The following MYH9 variants were observed in gnomAD, a reference collection of about 807,000 sequenced individuals.
The protein encoded by MYH9 is myosin-9.
Under a neutral mutation model 241.9 loss-of-function variants are expected in MYH9, and 29 were observed. That is an observed-to-expected ratio of 0.12 (90% CI 0.09 to 0.16). The LOEUF is 0.16. MYH9 is among the 10% of genes least tolerant of loss of function. The pLI, the probability that MYH9 is intolerant of heterozygous loss-of-function variation, is 1.00. For missense variants in MYH9, 1,803 were observed against 2,595.5 expected (o/e 0.69, Z 6.63); for synonymous variants, 1,047 against 1,062.6 (o/e 0.99, Z 0.29).
rs757593797 is a variant in MYH9, at chr22:36,282,740, T to C, written c.5811A>G (p.Lys1937=). ...PFVVPRRMAR[K]GAGDGSDEEV... ...CTTCGTCGGAGCCATCCCCGGCGCC[T>C]TTCCGGGCCATTCGGCGGGGCACGA... Residue 1937 remains lysine, a synonymous_variant, in exon 41 of 41, where the codon AAA becomes AAG. Coordinates refer to ENST00000216181, the MANE Select transcript of MYH9 (RefSeq NM_002473.6). 31 of 1,613,610 alleles carry C rather than the reference T, an allele frequency of 1.9e-5. No homozygotes were observed. In the African/African-American group the frequency reaches 4.0e-4, roughly 21 times the overall value.
chr22:36,300,393 G>A lies in MYH9; in HGVS notation c.2839-129C>T. The A allele has an allele frequency of 7.3e-7, 1 of 1,360,556 alleles. No individual in the cohort carries two copies. Among genetic ancestry groups the A allele is most frequent in the Non-Finnish European group, 1.0e-6 (1 of 976,222 alleles). 84.3% of individuals were successfully genotyped at this position (1,360,556 alleles called of 1,614,324 possible). ...GCAAGGTCTGTGAGCCCAGGGCCATGGCTGAGGTGGGGACGGCAAGGTCCG... is the reference window on the plus strand; with the variant it reads ...GCAAGGTCTGTGAGCCCAGGGCCATAGCTGAGGTGGGGACGGCAAGGTCCG... On this transcript the variant is annotated intron_variant, in intron 22 of 40. Transcript: ENST00000216181. This position sits in a 1 kb window ranked among gnomAD's most constrained non-coding sequence, Gnocchi z 5.0.
rs2017441067 is a variant in MYH9, at chr22:36,332,661, T to TG, written c.491-5174_491-5173insC. On this transcript the variant is annotated intron_variant, in intron 3 of 40. Coordinates refer to ENST00000216181, the MANE Select transcript of MYH9 (RefSeq NM_002473.6). ...TCCCCCTCCAGACACTCTGGATAAT[T>TG]AAAAAAAAAAAAAAAAAAAAAAAAA... Among the ~76,000 whole-genome samples, 3 of 44,476 alleles carry TG rather than the reference T, an allele frequency of 6.7e-5. No homozygotes were observed. The Admixed American group carries it at 1.2e-3, about 17-fold the overall frequency. The allele number at this position is 44,476 out of a possible 152,430, so 29.2% of individuals were successfully genotyped here. A position where few individuals can be genotyped will look rare whatever the true frequency, so the allele number is the denominator to read the frequency against.
At chr22:36,338,257 C>G (rs2017529683) in intron 3 of MYH9, among the ~76,000 whole-genome samples, 1 of 151,844 alleles carries the variant, frequency 6.6e-6, no homozygotes, top group Non-Finnish European at 1.5e-5. Context: ...GCCTCGGCCT[C>G]CCAAAGTGCT....
rs982939924 is a variant in MYH9, at chr22:36,282,537, C to G, written c.*131G>C. The G allele has an allele frequency of 2.0e-5, 18 of 880,600 alleles. No homozygotes were observed. The African/African-American group carries it at 3.0e-4, about 15-fold the overall frequency. The allele number at this position is 880,600 out of a possible 1,614,324, so 54.5% of individuals were successfully genotyped here. On this transcript the variant is annotated 3_prime_UTR_variant, in exon 41 of 41. Transcript: ENST00000216181. ...CCTGGAGGGAAACGGGATGGGGGGA[C>G]GGGGCGGAGGGCAGGAGGAGGCATG...
intron 12 of MYH9, among the ~76,000 whole-genome samples, chr22:36,314,841 G>A (rs1197686191): frequency 6.6e-6 from 1 of 152,014 alleles, no homozygotes; most frequent in Non-Finnish European, 1.5e-5. Context: ...TAGAAATGGG[G>A]TTTCACCATG....
chr22:36,289,693 T>A (rs1338212838), intron 31 of MYH9, among the ~76,000 whole-genome samples: 1 of 152,226 alleles, frequency 6.6e-6, no homozygotes. Flanking sequence ...CCAAGAAGCC[T>A]GAACCCCATT....
chr22:36,339,469 T>A (rs777636992), intron 3 of MYH9, among the ~76,000 whole-genome samples: 1 of 152,222 alleles, frequency 6.6e-6, no homozygotes, highest in Non-Finnish European at 1.5e-5. Flanking sequence ...CATTCTACTT[T>A]AGAACTGAAG....
Position 36,330,796 on chromosome 22 carries a change from C to T in MYH9, c.491-3308G>A. On this transcript the variant is annotated intron_variant, in intron 3 of 40. Transcript: ENST00000216181. The surrounding 1 kb of genome is among the most constrained non-coding windows in gnomAD (Gnocchi z 4.5). ...GGACTGAAGGCTTATTTGAAAACGC[C>T]CTTCCTTCCTCTAAACGGGAGGAGG... 6.6e-6 allele frequency among the ~76,000 whole-genome samples: 1 copy of T among 151,994 alleles called. No individual in the cohort carries two copies. The highest frequency in any genetic ancestry group is 2.1e-4 in the South Asian group (1 of 4,814).
At chr22:36,364,092 A>G (rs529866657) in intron 1 of MYH9, among the ~76,000 whole-genome samples, 1 of 152,372 alleles carries the variant, frequency 6.6e-6, no homozygotes, top group African/African-American at 2.4e-5. Flanking sequence ...CTGAGTCCAC[A>G]TCACGACTGC....
Position 36,294,189 on chromosome 22 carries a change from C to T in MYH9, c.3740G>A (p.Arg1247His), listed in dbSNP as rs767868271. The T allele has an allele frequency of 6.8e-6, 11 of 1,613,806 alleles. No individual in the cohort carries two copies. The highest frequency in any genetic ancestry group is 4.4e-5 in the South Asian group (4 of 91,092). The part of the protein sequence containing the change: ...LQGKGDSEHK[R>H]KKVEAQLQEL... ...CTGCAGCTGCGCCTCCACTTTCTTG[C>T]GCTTGTGCTCCGAGTCCCCTTTGCC... is the stretch of plus-strand genomic sequence containing the variant. The change falls in exon 28 of 41, where the codon CGC becomes CAC. Residue 1247 changes from arginine (R) to histidine (H), a missense_variant. By Grantham distance (29) the Arg-to-His change is conservative. Transcript: ENST00000216181.
intron 1 of MYH9, among the ~76,000 whole-genome samples, chr22:36,382,843 T>G (rs1253605858): frequency 6.6e-6 from 1 of 152,060 alleles, no homozygotes; most frequent in East Asian, 1.9e-4. Flanking sequence ...ACTTAATTTT[T>G]CAGTTTTTCA....
chr22:36,331,196 G>C (rs749231287), intron 3 of MYH9, among the ~76,000 whole-genome samples: 59 of 152,222 alleles, frequency 3.9e-4, no homozygotes, highest in Non-Finnish European at 7.5e-4. Context: ...CTCTGGGAAT[G>C]AAGGGACTGC....
At chr22:36,310,750 GC>G (rs150887479) in intron 14 of MYH9, among the ~76,000 whole-genome samples, 5,777 of 152,286 alleles carry the variant, frequency 0.038, 128 homozygotes, top group East Asian at 0.095. Flanking sequence ...CATCGTGCAG[GC>G]CCCTTGGTGG....
chr22:36,327,809 G>A (rs2017360225), intron 3 of MYH9, among the ~76,000 whole-genome samples: 1 of 152,212 alleles, frequency 6.6e-6, no homozygotes, highest in South Asian at 2.1e-4. Context: ...CGACTTCCCT[G>A]GGAGCTGAGT....
intron 15 of MYH9, among the ~76,000 whole-genome samples, chr22:36,307,443 T>C (rs909198154): frequency 6.6e-6 from 1 of 152,254 alleles, no homozygotes; most frequent in African/African-American, 2.4e-5. Flanking sequence ...TGAAGCCTTC[T>C]ATTACTGGAT....
intron 1 of MYH9, among the ~76,000 whole-genome samples, chr22:36,365,442 T>C (rs1487854002): frequency 6.6e-6 from 1 of 152,118 alleles, no homozygotes; most frequent in Non-Finnish European, 1.5e-5. Flanking sequence ...GGCCCCAACA[T>C]TTATCTTAAG....
chr22:36,387,591 G>T (rs2018375603), intron 1 of MYH9, among the ~76,000 whole-genome samples: 1 of 151,574 alleles, frequency 6.6e-6, no homozygotes, highest in Non-Finnish European at 1.5e-5. Context: ...AGGCCTCGCT[G>T]CTGCCGGCGC....
chr22:36,365,743 G>A (rs1444734580), intron 1 of MYH9, among the ~76,000 whole-genome samples: 1 of 152,172 alleles, frequency 6.6e-6, no homozygotes, highest in Admixed American at 6.5e-5. Context: ...TTACAGGCAT[G>A]AGCCACCGCA....
intron 1 of MYH9, among the ~76,000 whole-genome samples, chr22:36,371,040 G>T (rs372703258): frequency 6.6e-6 from 1 of 152,118 alleles, no homozygotes; most frequent in Non-Finnish European, 1.5e-5. Flanking sequence ...GTAGAGCACC[G>T]TCCTGGAGGG....
Sources: allele counts gnomAD v4.1 joint callset (sites outside exome capture counted in the v4.1 genomes callset), GRCh38; gene constraint gnomAD v4.1.1; non-coding constraint Gnocchi (gnomAD v3.1); transcripts MANE v1.5; gene names NCBI Gene and HGNC (gene_info 2026-07-23, HGNC 2026-07-21).